PTPRJ: variants seen among roughly 807,000 people sequenced by gnomAD.
PTPRJ encodes receptor-type tyrosine-protein phosphatase eta.
PTPRJ carries 129 observed loss-of-function variants against 141.3 expected under a neutral mutation model. The ratio of observed to expected loss-of-function variants is 0.91; its 90% CI spans 0.79 to 1.06. The LOEUF is 1.06. Among genes scored for constraint, PTPRJ ranks in the 50% least tolerant of loss-of-function variants. The pLI, the probability that PTPRJ is intolerant of heterozygous loss-of-function variation, is 0.00. For missense variants in PTPRJ, 1,601 were observed against 1,679.7 expected, an observed-to-expected ratio of 0.95 and a Z score of 0.82; for synonymous variants, 610 against 640.5, an observed-to-expected ratio of 0.95 and a Z score of 0.72.
intron 22 of PTPRJ, among the ~76,000 whole-genome samples, chr11:48,162,225 A>G (rs1857801243): frequency 6.6e-6 from 1 of 152,088 alleles, no homozygotes; most frequent in South Asian, 2.1e-4. Flanking sequence ...AAATCGAGAA[A>G]TTACAAACAG....
At chr11:48,018,545 T>C (rs1855014025) in intron 1 of PTPRJ, among the ~76,000 whole-genome samples, 1 of 152,220 alleles carries the variant, frequency 6.6e-6, no homozygotes, top group Non-Finnish European at 1.5e-5. Flanking sequence ...GTCATCATAA[T>C]ACTTAAAAAA....
chr11:48,154,032 C>T lies in PTPRJ; in HGVS notation c.3229+146C>T. 3 of 689,310 alleles carry T rather than the reference C, an allele frequency of 4.4e-6. No individual in the cohort carries two copies. The South Asian group carries it at 4.7e-5, about 11-fold the overall frequency. 42.7% of individuals were successfully genotyped at this position (689,310 alleles called of 1,614,324 possible). A position where few individuals can be genotyped will look rare whatever the true frequency, so the allele number is the denominator to read the frequency against. ...CCTACTTCCACAACCATCCATTATT[C>T]ACCTACTATGTGCTAAGCACTATAT... On this transcript the variant is annotated intron_variant, in intron 19 of 24. Coordinates refer to ENST00000418331, the MANE Select transcript of PTPRJ (RefSeq NM_002843.4).
intron 1 of PTPRJ, among the ~76,000 whole-genome samples, chr11:48,021,065 C>G (rs944172974): frequency 1.3e-5 from 2 of 152,144 alleles, no homozygotes; most frequent in African/African-American, 2.4e-5. Flanking sequence ...CACAGCCCAG[C>G]CCAGAACCCT....
At chr11:48,161,233 A>T (rs1012022422) in intron 22 of PTPRJ, among the ~76,000 whole-genome samples, 1 of 151,244 alleles carries the variant, frequency 6.6e-6, no homozygotes, top group African/African-American at 2.4e-5. Context: ...TATAATTACC[A>T]TGGGGACATG....
At chr11:48,077,414 G>A (rs1455901967) in intron 1 of PTPRJ, among the ~76,000 whole-genome samples, 1 of 152,108 alleles carries the variant, frequency 6.6e-6, no homozygotes, top group Non-Finnish European at 1.5e-5. Context: ...TCCCTCCATG[G>A]ACCCTTTGAT....
chr11:48,100,997 A>T (rs1235688024), intron 1 of PTPRJ, among the ~76,000 whole-genome samples: 1 of 151,808 alleles, frequency 6.6e-6, no homozygotes, highest in African/African-American at 2.4e-5. Context: ...GTCATTGCTC[A>T]TTGCTGAGAG....
chr11:48,107,193 G>C (rs1856313981), intron 1 of PTPRJ, among the ~76,000 whole-genome samples: 1 of 152,042 alleles, frequency 6.6e-6, no homozygotes, highest in Non-Finnish European at 1.5e-5. Context: ...GAGGCCTGGA[G>C]GAGGATCCTT....
intron 1 of PTPRJ, among the ~76,000 whole-genome samples, chr11:48,000,548 T>A (rs1854467681): frequency 6.6e-6 from 1 of 152,114 alleles, no homozygotes; most frequent in Non-Finnish European, 1.5e-5. Context: ...TGCAAGACTC[T>A]GAACCTTAGA....
intron 6 of PTPRJ, 68 bp downstream of exon 6, chr11:48,125,254 C>T: frequency 6.5e-7 from 1 of 1,533,534 alleles, no homozygotes; most frequent in Admixed American, 1.7e-5. Context: ...TCCTGTGATT[C>T]TGATTCTGAG....
At chr11:48,017,581 TC>T (rs529261916) in intron 1 of PTPRJ, among the ~76,000 whole-genome samples, 180 of 152,292 alleles carry the variant, frequency 1.2e-3, no homozygotes, top group Non-Finnish European at 1.7e-3. Context: ...CTGGCTTATG[TC>T]CCACCTGAGA....
chr11:48,114,196 T>C (rs1856507084), intron 3 of PTPRJ, among the ~76,000 whole-genome samples: 1 of 152,026 alleles, frequency 6.6e-6, no homozygotes, highest in Non-Finnish European at 1.5e-5. Flanking sequence ...CACAGCACTT[T>C]GGGAGGCTAA....
At chr11:48,166,276 C>T (rs1198297117) in intron 24 of PTPRJ, among the ~76,000 whole-genome samples, 1 of 151,948 alleles carries the variant, frequency 6.6e-6, no homozygotes. Flanking sequence ...TGTAAACACA[C>T]ACACACACAC....
At chr11:48,155,570 C>G (rs1386972668) in intron 19 of PTPRJ, among the ~76,000 whole-genome samples, 1 of 152,136 alleles carries the variant, frequency 6.6e-6, no homozygotes, top group Non-Finnish European at 1.5e-5. Flanking sequence ...AATCCTGGCC[C>G]TGCCACTCAT....
At chr11:48,023,322 C>G (rs758814360) in intron 1 of PTPRJ, among the ~76,000 whole-genome samples, 3 of 152,162 alleles carry the variant, frequency 2.0e-5, no homozygotes, top group Non-Finnish European at 4.4e-5. Context: ...CCTTTCCATT[C>G]TAATAATCAC....
intron 14 of PTPRJ, 139 bp downstream of exon 14, chr11:48,145,263 ATGT>A: frequency 8.1e-7 from 1 of 1,232,232 alleles, no homozygotes; most frequent in Non-Finnish European, 1.1e-6. Context: ...AGAGGTTGAG[ATGT>A]CACTGGGTCA....
At chr11:47,999,163 G>A (rs1003566217) in intron 1 of PTPRJ, among the ~76,000 whole-genome samples, 2 of 152,210 alleles carry the variant, frequency 1.3e-5, no homozygotes, top group African/African-American at 4.8e-5. Context: ...GGGATGTCCT[G>A]GCTCAGCAGG....
chr11:48,127,373 C>T (rs905476), intron 6 of PTPRJ, among the ~76,000 whole-genome samples: 23,049 of 152,160 alleles, frequency 0.15, 1,839 homozygotes, highest in East Asian at 0.28. Context: ...AGCCCTGGAA[C>T]CCAGGCCTGC....
chr11:48,009,809 T>C (rs1310258296), intron 1 of PTPRJ, among the ~76,000 whole-genome samples: 2 of 152,236 alleles, frequency 1.3e-5, no homozygotes, highest in African/African-American at 4.8e-5. Context: ...TAGTACCTTA[T>C]CTCTTTGGGT....
chr11:48,085,251 C>T (rs1374988411), intron 1 of PTPRJ, among the ~76,000 whole-genome samples: 1 of 97,350 alleles, frequency 1.0e-5, no homozygotes. Context: ...ATAATGCTAT[C>T]TCTCTCACTT....
Sources: gnomAD v4.1 joint callset for allele counts (sites outside exome capture counted in the v4.1 genomes callset) on GRCh38, gnomAD v4.1.1 for gene constraint, MANE v1.5 for transcripts, NCBI Gene and HGNC (gene_info 2026-07-23, HGNC 2026-07-21) for gene names.